The following ZNF75A variants were observed in gnomAD, a reference collection of about 807,000 sequenced individuals.
ZNF75A encodes zinc finger protein 75A.
ZNF75A carries 36 observed loss-of-function variants against 46.3 expected under a neutral mutation model. The observed-to-expected ratio is 0.78, with a 90% CI of 0.60 to 1.03. The LOEUF is 1.03. ZNF75A is among the 50% of genes least tolerant of loss of function. ZNF75A has a pLI of 0.00. For synonymous variants in ZNF75A, 234 were observed against 189.9 expected (o/e 1.23, Z -1.91); for missense variants, 595 against 551.3 (o/e 1.08, Z -0.79).
At chr16:3,321,914 C>A (rs1317094088), downstream of ZNF75A, among the ~76,000 whole-genome samples, 1 of 152,158 alleles carries the variant, frequency 6.6e-6, no homozygotes, top group Non-Finnish European at 1.5e-5. Flanking sequence ...GGAAGAACGC[C>A]CAGCAGCCTC....
downstream of ZNF75A, chr16:3,322,982 A>G (rs2030001489): frequency 1.0e-6 from 1 of 970,922 alleles, no homozygotes; most frequent in South Asian, 4.8e-5. Context: ...AAAATGCTGG[A>G]ATTTTTCCTT....
chr16:3,312,110 T>G (rs2150812340), intron 3 of ZNF75A, 162 bp downstream of exon 3: 1 of 180,586 alleles, frequency 5.5e-6, no homozygotes, highest in Non-Finnish European at 1.1e-5. Flanking sequence ...AAATGCCAAC[T>G]GTGGATGAAA....
At chr16:3,313,002 T>G in intron 4 of ZNF75A, 47 bp from the exon 5 acceptor site, 3 of 1,579,342 alleles carry the variant, frequency 1.9e-6, no homozygotes, top group Non-Finnish European at 2.6e-6. Flanking sequence ...GCTAGGCTGC[T>G]TCTGTACAGT....
At chr16:3,310,644 CAA>C (rs964169338) in intron 2 of ZNF75A, 2 of 957,210 alleles carry the variant, frequency 2.1e-6, no homozygotes, top group Non-Finnish European at 2.4e-6. Context: ...AACAAACAAA[CAA>C]AAAAAACAAC....
At chr16:3,315,230 C>T (rs550598399) in intron 5 of ZNF75A, 46 of 337,256 alleles carry the variant, frequency 1.4e-4, no homozygotes, top group Admixed American at 9.5e-4. Flanking sequence ...CTCGCTCTGT[C>T]GCCCAGGCTG....
intron 1 of ZNF75A, chr16:3,307,120 T>C (rs1395763462): frequency 1.3e-5 from 2 of 151,468 alleles, no homozygotes; most frequent in Non-Finnish European, 2.9e-5. Context: ...CCTGGCTAAT[T>C]TTTGTGTTTA....
At chr16:3,320,924 G>T (rs1026409843), downstream of ZNF75A, among the ~76,000 whole-genome samples, 1 of 152,156 alleles carries the variant, frequency 6.6e-6, no homozygotes, top group Non-Finnish European at 1.5e-5. Context: ...TGGGCAGGGA[G>T]GCAGGAGCAA....
chr16:3,310,890 G>T, intron 2 of ZNF75A: 2 of 985,324 alleles, frequency 2.0e-6, no homozygotes, highest in Non-Finnish European at 2.4e-6. Flanking sequence ...GCTGACCTCG[G>T]GTCTGCTGGG....
intron 5 of ZNF75A, chr16:3,316,061 C>G (rs924814327): frequency 1.3e-5 from 2 of 152,210 alleles, no homozygotes; most frequent in Non-Finnish European, 2.9e-5. Context: ...AGGTGTCCCA[C>G]AAGACCTTAT....
downstream of ZNF75A, chr16:3,322,863 G>C: frequency 2.0e-6 from 2 of 983,026 alleles, no homozygotes; most frequent in Non-Finnish European, 2.4e-6. Context: ...CGGAGTCTTA[G>C]GAAGCCTTGT....
chr16:3,306,617 C>T (rs1178062112), intron 1 of ZNF75A: 1 of 151,910 alleles, frequency 6.6e-6, no homozygotes, highest in Non-Finnish European at 1.5e-5. Context: ...GAGGCTGAGG[C>T]AGGAGAATGG....
intron 1 of ZNF75A, chr16:3,307,502 T>G (rs1960380188): frequency 6.6e-6 from 1 of 152,122 alleles, no homozygotes; most frequent in Admixed American, 6.5e-5. Flanking sequence ...AAATGTTGTT[T>G]TTTAAGGTGC....
chr16:3,310,786 T>C, intron 2 of ZNF75A: 1 of 985,444 alleles, frequency 1.0e-6, no homozygotes, highest in East Asian at 1.1e-4. Flanking sequence ...CTATAGTAGA[T>C]GAAAGTCTCT....
Position 3,317,614 on chromosome 16 carries a change from A to C in ZNF75A, c.1359A>C (p.Gln453His), listed in dbSNP as rs766444207. 6.2e-7 allele frequency: 1 copy of C among 1,614,218 alleles called. No homozygotes were observed. The highest frequency in any genetic ancestry group is 8.5e-7 in the Non-Finnish European group (1 of 1,180,030). The stretch of plus-strand genomic sequence containing the variant: ...TTAATAAGCACTTAACAACACACCA[A>C]GGAATAAAACCATATAAATGTTCAT... ...SDLNKHLTTH[Q>H]GIKPYKCSWC... The change falls in exon 7 of 7, where the codon CAA becomes CAC. Residue 453 changes from glutamine to histidine, a missense_variant. Physicochemically the swap from Gln to His is conservative, Grantham distance 24. Transcript: ENST00000669516.
chr16:3,306,354 T>G (rs1156244369), intron 1 of ZNF75A: 2 of 152,226 alleles, frequency 1.3e-5, no homozygotes, highest in Non-Finnish European at 2.9e-5. Context: ...ATATCCTTTT[T>G]TACAAGTTGA....
Position 3,317,984 on chromosome 16 carries a change from G to A in ZNF75A, c.*115G>A. The A allele has an allele frequency of 6.9e-7, 1 of 1,443,028 alleles. No homozygotes were observed. Among genetic ancestry groups the A allele is most frequent in the Non-Finnish European group, 9.1e-7 (1 of 1,104,780 alleles). The allele number at this position is 1,443,028 out of a possible 1,614,324, so 89.4% of individuals were successfully genotyped here. A position where few individuals can be genotyped will look rare whatever the true frequency, so the allele number is the denominator to read the frequency against. ...TGAAAAATTTTACATCAGAAAATGG[G>A]ATAAACATACATTTCACAGAAAATA... is the stretch of plus-strand genomic sequence containing the variant. On this transcript the variant is annotated 3_prime_UTR_variant, in exon 7 of 7. Coordinates refer to ENST00000669516, the MANE Select transcript of ZNF75A (RefSeq NM_001302109.2).
intron 1 of ZNF75A, chr16:3,306,337 A>G (rs915940631): frequency 2.6e-5 from 4 of 152,258 alleles, no homozygotes; most frequent in African/African-American, 9.6e-5. Context: ...GATATTTTGT[A>G]AATAAAATAT....
chr16:3,311,996 G>C, intron 3 of ZNF75A, 48 bp downstream of exon 3: 1 of 955,320 alleles, frequency 1.0e-6, no homozygotes, highest in Non-Finnish European at 1.2e-6. Context: ...TGTGATAATA[G>C]TTTATTCACC....
intron 5 of ZNF75A, chr16:3,314,623 CT>C (rs1282400377): frequency 9.4e-6 from 9 of 956,384 alleles, no homozygotes; most frequent in Non-Finnish European, 1.0e-5. Context: ...GGGCCCCCGC[CT>C]TTTTTTTTCT....
Sources: allele counts gnomAD v4.1 joint callset (sites outside exome capture counted in the v4.1 genomes callset), GRCh38; gene constraint gnomAD v4.1.1; transcripts MANE v1.5; gene names NCBI Gene and HGNC (gene_info 2026-07-23, HGNC 2026-07-21).